Variants in COBLL1 observed in about 807,000 individuals in gnomAD.
The protein encoded by COBLL1 is cordon-bleu WH2 repeat protein like 1, also known as cordon-bleu protein-like 1.
COBLL1 carries 50 observed loss-of-function variants against 94.8 expected under a neutral mutation model. The ratio of observed to expected loss-of-function variants is 0.53; its 90% CI spans 0.42 to 0.67. The LOEUF is 0.67. Ranked by LOEUF, COBLL1 falls within the 30% of genes least tolerant of loss-of-function variation. The pLI is 0.00. For missense variants in COBLL1, 1,362 were observed against 1,348.7 expected (o/e 1.01, Z -0.15); for synonymous variants, 448 against 473.8 (o/e 0.95, Z 0.71).
At chr2:164,775,561 CAAGT>C (rs1349965992) in intron 2 of COBLL1, among the ~76,000 whole-genome samples, 1 of 152,176 alleles carries the variant, frequency 6.6e-6, no homozygotes, top group Non-Finnish European at 1.5e-5. Flanking sequence ...CTACCAGATT[CAAGT>C]AATTCTCCTG....
intron 7 of COBLL1, among the ~76,000 whole-genome samples, chr2:164,714,804 T>C (rs746551307): frequency 4.6e-5 from 7 of 152,172 alleles, no homozygotes; most frequent in Non-Finnish European, 8.8e-5. Context: ...ACTGGTAAAG[T>C]AAGCCTCCTA....
intron 2 of COBLL1, among the ~76,000 whole-genome samples, chr2:164,761,976 T>A (rs896663121): frequency 6.6e-6 from 1 of 152,190 alleles, no homozygotes; most frequent in African/African-American, 2.4e-5. Context: ...GAAGTAGCAA[T>A]GCAACTAGAG....
chr2:164,721,976 C>T (rs1685466883), intron 7 of COBLL1, 99 bp downstream of exon 7: 3 of 871,572 alleles, frequency 3.4e-6, no homozygotes, highest in South Asian at 1.8e-5. Flanking sequence ...TATAGGACTA[C>T]TTCTTACTAG....
downstream of COBLL1, among the ~76,000 whole-genome samples, chr2:164,676,886 A>C (rs1046282840): frequency 2.4e-4 from 36 of 152,278 alleles, no homozygotes; most frequent in African/African-American, 8.2e-4. Flanking sequence ...TTCATTTTTA[A>C]CAGTAATACA....
At chr2:164,838,467 A>C (rs978944905) in intron 2 of COBLL1, among the ~76,000 whole-genome samples, 1 of 152,230 alleles carries the variant, frequency 6.6e-6, no homozygotes, top group Non-Finnish European at 1.5e-5. Context: ...AATATTACAG[A>C]GTTAATGGTT....
rs75999234 is a variant in COBLL1 at position 164,778,663 on chromosome 2, T to G, written c.42-34788A>C. 8.7e-3 allele frequency among the ~76,000 whole-genome samples: 1,329 copies of G among 152,200 alleles called. 27 individuals carry two copies. Among genetic ancestry groups the G allele is most frequent in the African/African-American group, 0.031 (1,276 of 41,530 alleles). ...CTGAATTTAGGTTATCTAAAATCAGTAAAACAGGGCAGTCATATGATCTTA... is the reference window on the plus strand; with the variant it reads ...CTGAATTTAGGTTATCTAAAATCAGGAAAACAGGGCAGTCATATGATCTTA... On this transcript the variant is annotated intron_variant, in intron 2 of 13. Transcript: ENST00000652658.
intron 1 of COBLL1, among the ~76,000 whole-genome samples, chr2:164,674,881 G>C (rs1454156137): frequency 1.3e-5 from 2 of 152,164 alleles, no homozygotes; most frequent in African/African-American, 4.8e-5. Context: ...ACTGAGATTT[G>C]AAATCTTTGT....
intron 9 of COBLL1, chr2:164,703,238 T>A: frequency 1.3e-6 from 2 of 1,546,220 alleles, no homozygotes; most frequent in African/African-American, 2.7e-5. Context: ...AGAAGTAGAA[T>A]CTGTAGAAAT....
rs999075381 is a variant in COBLL1 at position 164,688,074 on chromosome 2, T to G, written c.3301-2042A>C. On this transcript the variant is annotated intron_variant, in intron 13 of 13. Transcript: ENST00000652658. Reference sequence around the variant, plus strand: ...AAAGAATAGTATATGAATATATATATAAACAATTTTAAAAAGCTTCAAAGA... The same window carrying G: ...AAAGAATAGTATATGAATATATATAGAAACAATTTTAAAAAGCTTCAAAGA... Among the ~76,000 whole-genome samples, 8 of 151,996 alleles carry G rather than the reference T, an allele frequency of 5.3e-5. 1 individual carries two copies. Among genetic ancestry groups the G allele is most frequent in the South Asian group, 4.1e-4 (2 of 4,830 alleles).
rs574148501 is a variant in COBLL1, at chr2:164,688,303, G to A, written c.3301-2271C>T. 2.6e-5 allele frequency among the ~76,000 whole-genome samples: 4 copies of A among 152,190 alleles called. No homozygotes were observed. In the East Asian group the frequency reaches 5.8e-4, roughly 22 times the overall value. On this transcript the variant is annotated intron_variant, in intron 13 of 13. Coordinates refer to ENST00000652658, the MANE Select transcript of COBLL1 (RefSeq NM_001365672.2). The stretch of plus-strand genomic sequence containing the variant: ...AGCCATCAATAGAATACTAGTTTAC[G>A]CATTCTGAGGGCAGAGATCTTACTG...
In COBLL1 at chr2:164,824,458, T is replaced by C. The variant is rs1260273865; in HGVS notation, c.41+16698A>G. On this transcript the variant is annotated intron_variant, in intron 2 of 13. Transcript: ENST00000652658. ...ATCTAAAATATATCTGAAAAAACAA[T>C]GATTTCAAGATATTTATTTGGGATA... is the stretch of plus-strand genomic sequence containing the variant. Among the ~76,000 whole-genome samples, 2 of 151,820 alleles carry C rather than the reference T, an allele frequency of 1.3e-5. 1 individual carries two copies. Among genetic ancestry groups the C allele is most frequent in the African/African-American group, 4.8e-5 (2 of 41,312 alleles).
intron 2 of COBLL1, among the ~76,000 whole-genome samples, chr2:164,783,634 C>T (rs1469754028): frequency 6.6e-6 from 1 of 152,114 alleles, no homozygotes; most frequent in Non-Finnish European, 1.5e-5. Flanking sequence ...TGGTTTCAGA[C>T]ACTTTCATAT....
At chr2:164,802,635 T>A (rs1220055248) in intron 2 of COBLL1, among the ~76,000 whole-genome samples, 2 of 152,216 alleles carry the variant, frequency 1.3e-5, no homozygotes, top group East Asian at 3.8e-4. Context: ...AGAACATACA[T>A]ATGTTCAGGT....
At chr2:164,660,336 T>A (rs1361303044) in intron 2 of COBLL1, among the ~76,000 whole-genome samples, 1 of 152,174 alleles carries the variant, frequency 6.6e-6, no homozygotes, top group Non-Finnish European at 1.5e-5. Context: ...GTTAATGTGT[T>A]ATTGTGTTTT....
intron 7 of COBLL1, among the ~76,000 whole-genome samples, chr2:164,705,538 T>C (rs1684543316): frequency 6.6e-6 from 1 of 152,180 alleles, no homozygotes. Context: ...TCTATATGTC[T>C]ACCTGAGGCC....
intron 2 of COBLL1, among the ~76,000 whole-genome samples, chr2:164,805,364 A>AATATATATAT (rs1684093318): frequency 7.3e-5 from 3 of 41,066 alleles, no homozygotes; most frequent in African/African-American, 3.4e-4. Flanking sequence ...TATATATATA[A>AATATATATAT]AACTAAAGTT....
chr2:164,737,949 T>G (rs555632607), intron 3 of COBLL1, among the ~76,000 whole-genome samples: 28 of 152,238 alleles, frequency 1.8e-4, no homozygotes, highest in African/African-American at 6.0e-4. Flanking sequence ...CTGGGTTATT[T>G]TATGTGAAAA....
At position 164,685,927 on chromosome 2, in the gene COBLL1, T is replaced by A; in HGVS notation, c.*19A>T. The A allele has an allele frequency of 6.6e-7, 1 of 1,507,058 alleles. No homozygotes were observed. The highest frequency in any genetic ancestry group is 9.2e-7 in the Non-Finnish European group (1 of 1,086,142). 93.4% of individuals were successfully genotyped at this position (1,507,058 alleles called of 1,614,324 possible). ...GGTCTGAAGTGGAAGTGAAGTGCAG[T>A]GGTGTGGCAGGGTAACATTTAATGG... On this transcript the variant is annotated 3_prime_UTR_variant, in exon 14 of 14. Transcript: ENST00000652658.
chr2:164,658,781 G>A (rs1257031254), intron 2 of COBLL1, among the ~76,000 whole-genome samples: 2 of 152,178 alleles, frequency 1.3e-5, no homozygotes, highest in African/African-American at 2.4e-5. Context: ...GGAGAAAACT[G>A]TGTCCTCATG....
Sources: allele counts gnomAD v4.1 joint callset (sites outside exome capture counted in the v4.1 genomes callset), GRCh38; gene constraint gnomAD v4.1.1; transcripts MANE v1.5; gene names NCBI Gene and HGNC (gene_info 2026-07-23, HGNC 2026-07-21).